Variants in FAAH2 observed in about 807,000 individuals in gnomAD.
FAAH2 encodes fatty-acid amide hydrolase 2.
Under a neutral mutation model 36.9 loss-of-function variants are expected in FAAH2, and 60 were observed. That is an observed-to-expected ratio of 1.63 (90% confidence interval 1.32 to 2.02). FAAH2 has a LOEUF of 2.02. FAAH2 is among the 30% of genes most tolerant of loss of function. FAAH2 has a pLI of 0.00. For missense variants in FAAH2, 689 were observed against 397.5 expected (o/e 1.73, Z -6.23); for synonymous variants, 214 against 143.8 (o/e 1.49, Z -3.49).
At chrX:57,209,150 C>T in the FAAH2 span, among the ~76,000 whole-genome samples, 1 of 111,649 alleles carries the variant, frequency 9.0e-6, no homozygotes, top group South Asian at 3.8e-4. Flanking sequence ...TCTCCAAGTG[C>T]CCTCTTGGTA....
chrX:57,222,774 G>C, the FAAH2 span, among the ~76,000 whole-genome samples: 2 of 111,684 alleles, frequency 1.8e-5, no homozygotes, highest in Non-Finnish European at 1.9e-5. Context: ...ACACACTTCT[G>C]TGTAAACACT....
intron 5 of FAAH2, among the ~76,000 whole-genome samples, chrX:57,368,237 C>T (rs2054467760): frequency 9.3e-6 from 1 of 107,689 alleles, no homozygotes; most frequent in South Asian, 4.2e-4. Flanking sequence ...CACCCCCACC[C>T]CCAAACCCAG....
At chrX:57,228,107 C>T in the FAAH2 span, among the ~76,000 whole-genome samples, 5 of 112,279 alleles carry the variant, frequency 4.5e-5, no homozygotes, top group Non-Finnish European at 5.6e-5. Context: ...TCTTTCCCCA[C>T]CTGTGAAGTC....
chrX:57,324,503 A>T (rs1434347040), intron 3 of FAAH2, among the ~76,000 whole-genome samples: 3 of 111,449 alleles, frequency 2.7e-5, no homozygotes, highest in African/African-American at 6.5e-5. Flanking sequence ...GTTTGTATCC[A>T]CTTTTATTTC....
chrX:57,131,483 T>C, the FAAH2 span, among the ~76,000 whole-genome samples: 5 of 112,175 alleles, frequency 4.5e-5, no homozygotes, highest in East Asian at 1.1e-3. Context: ...TATCCAGTTA[T>C]GCTTGTGTTT....
the FAAH2 span, among the ~76,000 whole-genome samples, chrX:57,129,574 G>A: frequency 8.9e-6 from 1 of 112,068 alleles, no homozygotes; most frequent in African/African-American, 3.2e-5. Context: ...TAGCAAAGGT[G>A]AAACAATGGA....
the FAAH2 span, among the ~76,000 whole-genome samples, chrX:57,126,075 A>G: frequency 1.4e-4 from 16 of 112,559 alleles, no homozygotes; most frequent in African/African-American, 4.5e-4. Flanking sequence ...AAAGGGGCAC[A>G]CATTATTCTA....
chrX:57,141,451 G>A, the FAAH2 span, among the ~76,000 whole-genome samples: 3 of 111,966 alleles, frequency 2.7e-5, no homozygotes, highest in Non-Finnish European at 3.8e-5. Flanking sequence ...TTCCAAGAAT[G>A]AGTTTGGAAG....
the FAAH2 span, among the ~76,000 whole-genome samples, chrX:57,151,754 A>T: frequency 9.0e-6 from 1 of 110,970 alleles, no homozygotes; most frequent in African/African-American, 3.3e-5. Flanking sequence ...GCCTTCTCTC[A>T]GCTTGTCAAA....
intron 2 of FAAH2, among the ~76,000 whole-genome samples, chrX:57,299,354 C>A (rs910649099): frequency 1.8e-4 from 20 of 111,827 alleles, no homozygotes; most frequent in Non-Finnish European, 3.6e-4. Context: ...AAGACAAAAA[C>A]CACATGATTA....
At chrX:57,407,654 A>G (rs1364298278) in intron 7 of FAAH2, among the ~76,000 whole-genome samples, 2 of 111,389 alleles carry the variant, frequency 1.8e-5, no homozygotes, top group African/African-American at 6.5e-5. Context: ...GATCTCTTTT[A>G]TGAGGAGAAC....
intron 2 of FAAH2, among the ~76,000 whole-genome samples, chrX:57,304,232 CAAACAAACAAAAT>C (rs1459434392): frequency 1.8e-5 from 2 of 111,721 alleles, no homozygotes; most frequent in Non-Finnish European, 3.8e-5. Context: ...AAAAACAAAA[CAAACAAACAAAAT>C]AGCCTGCTAA....
At chrX:57,201,063 T>TA in the FAAH2 span, among the ~76,000 whole-genome samples, 15 of 109,449 alleles carry the variant, frequency 1.4e-4, no homozygotes, top group Admixed American at 6.8e-4. Flanking sequence ...GTTTTTTTTT[T>TA]TTTTTCTTCA....
chrX:57,222,767 C>T, the FAAH2 span, among the ~76,000 whole-genome samples: 1 of 111,890 alleles, frequency 8.9e-6, no homozygotes, highest in Non-Finnish European at 1.9e-5. Context: ...AGACCCTACA[C>T]ACTTCTGTGT....
At chrX:57,279,845 A>G in the FAAH2 span, among the ~76,000 whole-genome samples, 2 of 111,760 alleles carry the variant, frequency 1.8e-5, no homozygotes, top group Non-Finnish European at 3.8e-5. Context: ...ACATACTTCA[A>G]AATAATGAGT....
At chrX:57,169,375 A>C in the FAAH2 span, among the ~76,000 whole-genome samples, 7 of 98,231 alleles carry the variant, frequency 7.1e-5, no homozygotes, top group East Asian at 2.4e-3. Context: ...CACCTATATA[A>C]CAATCCTTCC....
At chrX:57,472,991 T>C (rs2057197735) in intron 10 of FAAH2, among the ~76,000 whole-genome samples, 1 of 111,394 alleles carries the variant, frequency 9.0e-6, no homozygotes, top group Admixed American at 9.6e-5. Flanking sequence ...CTAAATTTTC[T>C]TTCATTAATC....
the FAAH2 span, among the ~76,000 whole-genome samples, chrX:57,158,099 T>A: frequency 4.5e-5 from 5 of 111,474 alleles, no homozygotes; most frequent in Non-Finnish European, 9.4e-5. Flanking sequence ...ACATGCGGTC[T>A]TTGGTTTTCT....
At chrX:57,423,759 C>T (rs2056093261) in intron 7 of FAAH2, among the ~76,000 whole-genome samples, 1 of 111,123 alleles carries the variant, frequency 9.0e-6, no homozygotes, top group African/African-American at 3.3e-5. Flanking sequence ...TAGCCCAGTC[C>T]CACTCAGCTT....
Sources: allele counts gnomAD v4.1 joint callset (sites outside exome capture counted in the v4.1 genomes callset), GRCh38; gene constraint gnomAD v4.1.1; transcripts MANE v1.5; gene names NCBI Gene and HGNC (gene_info 2026-07-23, HGNC 2026-07-21).